DYNC2I1: variants seen among roughly 807,000 people sequenced by gnomAD.
DYNC2I1 encodes the protein dynein 2 intermediate chain 1.
DYNC2I1 carries 89 observed loss-of-function variants against 133.4 expected under a neutral mutation model. The ratio of observed to expected loss-of-function variants is 0.67; its 90% CI spans 0.56 to 0.80. DYNC2I1 has a LOEUF of 0.80. DYNC2I1 is among the 30% of genes least tolerant of loss of function. The pLI is 0.00. For missense variants in DYNC2I1, 1,291 were observed against 1,314.5 expected (o/e 0.98, Z 0.28); for synonymous variants, 504 against 484.3 (o/e 1.04, Z -0.54).
At chr7:158,928,088 C>A (rs767342399) in intron 20 of DYNC2I1, among the ~76,000 whole-genome samples, 1 of 152,158 alleles carries the variant, frequency 6.6e-6, no homozygotes, top group African/African-American at 2.4e-5. Flanking sequence ...AGACTGGATC[C>A]CAGGGTGGCA....
chr7:158,920,969 C>T (rs1414082495), intron 15 of DYNC2I1, among the ~76,000 whole-genome samples: 2 of 152,174 alleles, frequency 1.3e-5, no homozygotes, highest in Admixed American at 6.5e-5. Flanking sequence ...GCCAGCAGGT[C>T]GTTCATCTTG....
At chr7:158,846,331 T>C in the DYNC2I1 span, among the ~76,000 whole-genome samples, 1 of 152,138 alleles carries the variant, frequency 6.6e-6, no homozygotes, top group Non-Finnish European at 1.5e-5. Flanking sequence ...AAGAAAGTTA[T>C]AGATATAAAG....
At chr7:158,956,934 C>T (rs1045946487), downstream of DYNC2I1, among the ~76,000 whole-genome samples, 1 of 152,164 alleles carries the variant, frequency 6.6e-6, no homozygotes, top group African/African-American at 2.4e-5. Flanking sequence ...TGGGCACGGG[C>T]AGGGCTCCCG....
chr7:158,873,334 G>T (rs781016772), intron 3 of DYNC2I1, among the ~76,000 whole-genome samples: 1 of 152,164 alleles, frequency 6.6e-6, no homozygotes, highest in Non-Finnish European at 1.5e-5. Flanking sequence ...GGGTTAGAAG[G>T]CCTGGCTGTG....
At chr7:158,857,582 G>A (rs1483469310) in intron 1 of DYNC2I1, among the ~76,000 whole-genome samples, 3 of 140,706 alleles carry the variant, frequency 2.1e-5, no homozygotes, top group African/African-American at 8.5e-5. Flanking sequence ...TCTGTCACCA[G>A]GCTGGAATGC....
the DYNC2I1 span, among the ~76,000 whole-genome samples, chr7:158,850,920 T>C: frequency 6.6e-6 from 1 of 151,912 alleles, no homozygotes; most frequent in African/African-American, 2.4e-5. Context: ...TGCTGGAGTC[T>C]ACGGAGCCTG....
rs1358680516 is a variant in DYNC2I1 at position 158,917,792 on chromosome 7, C to T, written c.1792-948C>T. ...CCTGTCATTTCTCACTTCAAATCTC[C>T]TGCCTTCCACACTCTCTTCCTGTCA... On this transcript the variant is annotated intron_variant, in intron 14 of 24. Coordinates refer to ENST00000407559, the MANE Select transcript of DYNC2I1 (RefSeq NM_018051.5). Among the ~76,000 whole-genome samples, 6 of 152,158 alleles carry T rather than the reference C, an allele frequency of 3.9e-5. 1 individual carries two copies. Among genetic ancestry groups the T allele is most frequent in the African/African-American group, 1.4e-4 (6 of 41,422 alleles).
chr7:158,890,125 G>T (rs953601206), intron 7 of DYNC2I1, among the ~76,000 whole-genome samples: 1 of 151,932 alleles, frequency 6.6e-6, no homozygotes, highest in Non-Finnish European at 1.5e-5. Flanking sequence ...TGGGATTACA[G>T]GTGCGAGCCA....
intron 20 of DYNC2I1, among the ~76,000 whole-genome samples, chr7:158,929,516 C>T (rs1383170049): frequency 6.6e-6 from 1 of 152,136 alleles, no homozygotes. Flanking sequence ...AAAAGCTGCC[C>T]ACAGGCGGTG....
intron 16 of DYNC2I1, 115 bp from the exon 17 acceptor site, chr7:158,923,456 G>A: frequency 1.4e-6 from 2 of 1,404,672 alleles, no homozygotes; most frequent in Non-Finnish European, 2.0e-6. Flanking sequence ...GGGCCCTGCA[G>A]GTGACTCCCG....
the DYNC2I1 span, among the ~76,000 whole-genome samples, chr7:158,845,079 T>G: frequency 1.3e-5 from 2 of 152,208 alleles, no homozygotes; most frequent in Non-Finnish European, 2.9e-5. Flanking sequence ...CTCTATTTTC[T>G]TTTCTGCTTG....
At chr7:158,936,871 A>T (rs1257982563) in intron 23 of DYNC2I1, among the ~76,000 whole-genome samples, 1 of 152,244 alleles carries the variant, frequency 6.6e-6, no homozygotes, top group Non-Finnish European at 1.5e-5. Context: ...GCTGAAAAGG[A>T]GGCAGCAACC....
At chr7:158,888,838 G>C (rs1003265420) in intron 7 of DYNC2I1, among the ~76,000 whole-genome samples, 1 of 152,000 alleles carries the variant, frequency 6.6e-6, no homozygotes, top group Non-Finnish European at 1.5e-5. Context: ...CATAAATTAG[G>C]TCATACAGCA....
At chr7:158,877,711 AT>A (rs1237878407) in intron 4 of DYNC2I1, among the ~76,000 whole-genome samples, 1 of 150,156 alleles carries the variant, frequency 6.7e-6, no homozygotes, top group Non-Finnish European at 1.5e-5. Flanking sequence ...TCTTTTTTTT[AT>A]TTTTTAGAGA....
Position 158,900,885 on chromosome 7 carries a change from G to T in DYNC2I1, c.1060-854G>T, listed in dbSNP as rs891036407. On this transcript the variant is annotated intron_variant, in intron 8 of 24. Coordinates refer to ENST00000407559, the MANE Select transcript of DYNC2I1 (RefSeq NM_018051.5). The stretch of plus-strand genomic sequence containing the variant: ...AAAGTTGTTCTTCACTTCTGTTTCT[G>T]TTGTTTTGTTGTTTTTGACCTCGAA... Among the ~76,000 whole-genome samples the T allele has an allele frequency of 5.9e-5, 9 of 151,970 alleles. No individual in the cohort carries two copies. In the South Asian group the frequency reaches 6.2e-4, roughly 11 times the overall value.
At chr7:158,869,559 T>C (rs712199) in intron 1 of DYNC2I1, 79,088 of 515,490 alleles carry the variant, frequency 0.15, 6,904 homozygotes, top group Middle Eastern at 0.24. Flanking sequence ...ACAGAATATT[T>C]GTCCTTCCTC....
At chr7:158,866,484 C>G (rs1842416796) in intron 1 of DYNC2I1, among the ~76,000 whole-genome samples, 2 of 151,984 alleles carry the variant, frequency 1.3e-5, no homozygotes, top group African/African-American at 4.8e-5. Context: ...TTGGACTGTC[C>G]CCGAGTATCC....
chr7:158,863,714 C>G (rs866469518), intron 1 of DYNC2I1, among the ~76,000 whole-genome samples: 54 of 19,210 alleles, frequency 2.8e-3, no homozygotes, highest in South Asian at 5.5e-3. Context: ...GTGGGGGGGG[C>G]GGTGAGCGGG....
At chr7:158,953,910 G>A (rs7787029) in intron 4 of DYNC2I1, among the ~76,000 whole-genome samples, 93,121 of 151,834 alleles carry the variant, frequency 0.61, 29,486 homozygotes, top group African/African-American at 0.76. Context: ...ACAAGCATAC[G>A]TGTATATTTG....
Sources: allele counts gnomAD v4.1 joint callset (sites outside exome capture counted in the v4.1 genomes callset), GRCh38; gene constraint gnomAD v4.1.1; transcripts MANE v1.5; gene names NCBI Gene and HGNC (gene_info 2026-07-23, HGNC 2026-07-21).